Variants in WDR64 observed in about 807,000 individuals in gnomAD.
WDR64 encodes the protein WD repeat domain 64.
In WDR64, 112 loss-of-function variants were observed where a neutral mutation model predicts 139.3. The observed-to-expected ratio is 0.80, with a 90% CI of 0.69 to 0.94. The LOEUF (loss-of-function observed/expected upper bound fraction) is 0.94, where lower values mean the gene tolerates loss of function less well. Among genes scored for constraint, WDR64 ranks in the 40% least tolerant of loss-of-function variants. The pLI, the probability that WDR64 is intolerant of heterozygous loss-of-function variation, is 0.00. For synonymous variants in WDR64, 444 were observed against 437.7 expected, an observed-to-expected ratio of 1.01 and a Z score of -0.18; for missense variants, 1,206 against 1,293.1, an observed-to-expected ratio of 0.93 and a Z score of 1.03.
chr1:241,781,146 C>T lies in WDR64; in HGVS notation c.2595+1084C>T, dbSNP rs566767419. Among the ~76,000 whole-genome samples the T allele has an allele frequency of 5.1e-4, 77 of 152,174 alleles. 2 individuals are homozygous for T. Among genetic ancestry groups the T allele is most frequent in the Admixed American group, 1.8e-3 (27 of 15,284 alleles). On this transcript the variant is annotated intron_variant, in intron 22 of 27. Coordinates refer to ENST00000437684, the MANE Select transcript of WDR64 (RefSeq NM_001367482.1). ...AAATGTCATTCAAAGCCTACAGTTT[C>T]GCAAATGGAATTGCTATAAACTAAC...
chr1:241,784,960 A>G lies in WDR64; in HGVS notation c.2705+1579A>G, dbSNP rs1336418122. ...CAGAGTGAGACTCTGTCTGAAAAAA[A>G]AAAAAAAAAAAAAAAAGAAAGGACA... is the stretch of plus-strand genomic sequence containing the variant. On this transcript the variant is annotated intron_variant, in intron 23 of 27. Coordinates refer to ENST00000437684, the MANE Select transcript of WDR64 (RefSeq NM_001367482.1). Among the ~76,000 whole-genome samples, 11 of 146,106 alleles carry G rather than the reference A, an allele frequency of 7.5e-5. 1 individual carries two copies. Among genetic ancestry groups the G allele is most frequent in the Non-Finnish European group, 1.5e-4 (10 of 65,706 alleles).
At chr1:241,657,351 A>C (rs1361474757) in intron 1 of WDR64, among the ~76,000 whole-genome samples, 1 of 152,190 alleles carries the variant, frequency 6.6e-6, no homozygotes, top group East Asian at 1.9e-4. Context: ...AGGGCATATT[A>C]TATCATTTCA....
intron 8 of WDR64, among the ~76,000 whole-genome samples, chr1:241,710,310 T>C (rs1017308937): frequency 1.5e-4 from 23 of 152,156 alleles, no homozygotes; most frequent in Admixed American, 1.5e-3. Flanking sequence ...GTTGGTATTA[T>C]TATTGTCCAT....
At chr1:241,799,313 G>A (rs1251537529) in intron 27 of WDR64, among the ~76,000 whole-genome samples, 3 of 149,450 alleles carry the variant, frequency 2.0e-5, no homozygotes, top group Non-Finnish European at 3.0e-5. Context: ...GAAAGTGGAC[G>A]TTGCAGTGAG....
chr1:241,770,417 G>A, intron 17 of WDR64: 1 of 445,038 alleles, frequency 2.2e-6, no homozygotes, highest in South Asian at 5.9e-5. Context: ...CTTATTTGCT[G>A]AGGCTCCCCA....
chr1:241,701,860 AT>A (rs1667723320), intron 8 of WDR64, among the ~76,000 whole-genome samples: 2 of 152,166 alleles, frequency 1.3e-5, no homozygotes, highest in African/African-American at 4.8e-5. Flanking sequence ...ACATGTTTCT[AT>A]TTTTGTAATT....
intron 19 of WDR64, 33 bp downstream of exon 19, chr1:241,771,730 A>G: frequency 7.2e-7 from 1 of 1,398,022 alleles, no homozygotes; most frequent in Non-Finnish European, 9.4e-7. Context: ...TCTTTATAAT[A>G]AAGCAACTCC....
At chr1:241,670,142 G>A (rs1666168324) in intron 2 of WDR64, among the ~76,000 whole-genome samples, 1 of 152,042 alleles carries the variant, frequency 6.6e-6, no homozygotes, top group Admixed American at 6.6e-5. Context: ...TGGTTAATAA[G>A]ACAAAGAACA....
intron 25 of WDR64, among the ~76,000 whole-genome samples, chr1:241,792,883 T>C (rs913402831): frequency 4.6e-5 from 7 of 152,266 alleles, no homozygotes; most frequent in African/African-American, 1.7e-4. Context: ...ATTAAATGTA[T>C]ACCTTAGGGA....
intron 22 of WDR64, among the ~76,000 whole-genome samples, chr1:241,782,130 C>CA (rs1462904576): frequency 2.0e-5 from 3 of 151,808 alleles, no homozygotes; most frequent in Non-Finnish European, 2.9e-5. Context: ...ACTAAAAATA[C>CA]AAAAAAAATT....
At chr1:241,718,113 C>A (rs1668470928) in intron 9 of WDR64, among the ~76,000 whole-genome samples, 1 of 152,144 alleles carries the variant, frequency 6.6e-6, no homozygotes. Flanking sequence ...TGTCCTTAAC[C>A]ACTTCATGAG....
chr1:241,755,425 T>C (rs1002721584), intron 14 of WDR64, among the ~76,000 whole-genome samples: 3 of 152,252 alleles, frequency 2.0e-5, no homozygotes, highest in African/African-American at 7.2e-5. Context: ...GTTTTTTTCT[T>C]GTAAATTTGT....
At chr1:241,781,252 A>C (rs1043764892) in intron 22 of WDR64, among the ~76,000 whole-genome samples, 4 of 152,246 alleles carry the variant, frequency 2.6e-5, no homozygotes, top group Non-Finnish European at 5.9e-5. Flanking sequence ...TAGTAGAAAT[A>C]ATTTTAAAGC....
intron 8 of WDR64, among the ~76,000 whole-genome samples, chr1:241,693,343 C>T (rs546626467): frequency 3.1e-4 from 47 of 152,170 alleles, no homozygotes; most frequent in African/African-American, 1.0e-3. Flanking sequence ...TCCAATTATA[C>T]GACATTCTGG....
In WDR64 at chr1:241,683,706, G is replaced by A. The variant is rs920744002; in HGVS notation, c.839+5G>A. On this transcript the variant is annotated splice_donor_5th_base_variant and intron_variant, in intron 7 of 27. Transcript: ENST00000437684. Reference sequence around the variant, plus strand: ...AGACTCAAAGAACTTTAAAAGGTAAGAGTATCATACAGTTAATTTAATTCT... The same window carrying A: ...AGACTCAAAGAACTTTAAAAGGTAAAAGTATCATACAGTTAATTTAATTCT... The A allele has an allele frequency of 1.4e-5, 22 of 1,520,908 alleles. No individual in the cohort carries two copies. Among genetic ancestry groups the A allele is most frequent in the Non-Finnish European group, 1.9e-5 (21 of 1,128,186 alleles). The allele number at this position is 1,520,908 out of a possible 1,614,324, so 94.2% of individuals were successfully genotyped here.
In WDR64 at chr1:241,735,532, T is replaced by TCC. The variant is rs1200461285; in HGVS notation, c.1195-2830_1195-2829insCC. 1.5e-4 allele frequency among the ~76,000 whole-genome samples: 12 copies of TCC among 78,958 alleles called. 1 individual carries two copies. In the East Asian group the frequency reaches 2.1e-3, roughly 14 times the overall value. 51.8% of individuals were successfully genotyped at this position (78,958 alleles called of 152,430 possible). ...AGTTCTCTGTCTCTCTCTCTCTCTCTCTTTTTTTTTTTTTTTTTTTGATAC... is the reference window on the plus strand; with the variant it reads ...AGTTCTCTGTCTCTCTCTCTCTCTCTCCCTTTTTTTTTTTTTTTTTTTGATAC... On this transcript the variant is annotated intron_variant, in intron 10 of 27. Coordinates refer to ENST00000437684, the MANE Select transcript of WDR64 (RefSeq NM_001367482.1).
At chr1:241,715,639 G>A (rs577001741) in intron 9 of WDR64, among the ~76,000 whole-genome samples, 55 of 152,258 alleles carry the variant, frequency 3.6e-4, no homozygotes, top group East Asian at 1.3e-3. Flanking sequence ...AAAGCAGTAC[G>A]TAAATATATG....
chr1:241,779,180 T>C (rs1658761521), intron 21 of WDR64, among the ~76,000 whole-genome samples: 1 of 152,216 alleles, frequency 6.6e-6, no homozygotes, highest in African/African-American at 2.4e-5. Flanking sequence ...ACATGTTAAA[T>C]ATTTCACTCC....
chr1:241,785,993 T>C (rs959066975), intron 23 of WDR64, among the ~76,000 whole-genome samples: 10 of 152,222 alleles, frequency 6.6e-5, no homozygotes, highest in African/African-American at 2.4e-4. Context: ...GTCTCTTCAG[T>C]CCTGCCTAAA....
Sources: gnomAD v4.1 joint callset for allele counts (sites outside exome capture counted in the v4.1 genomes callset) on GRCh38, gnomAD v4.1.1 for gene constraint, MANE v1.5 for transcripts, NCBI Gene and HGNC (gene_info 2026-07-23, HGNC 2026-07-21) for gene names.